HTR1F: variants seen among roughly 807,000 people sequenced by gnomAD.
HTR1F encodes the protein 5-hydroxytryptamine (serotonin) receptor 1F, G protein-coupled.
In HTR1F, 17 loss-of-function variants were observed where a neutral mutation model predicts 24.0. The observed-to-expected ratio is 0.71, with a 90% confidence interval of 0.48 to 1.06. HTR1F has a LOEUF of 1.06. Ranked by LOEUF, HTR1F falls within the 50% of genes least tolerant of loss-of-function variation. HTR1F has a pLI of 0.00. For synonymous variants in HTR1F, 186 were observed against 156.8 expected (o/e 1.19, Z -1.39); for missense variants, 391 against 427.8 (o/e 0.91, Z 0.76).
chr3:87,958,353 T>C (rs997412395), intron 2 of HTR1F, among the ~76,000 whole-genome samples: 1 of 151,590 alleles, frequency 6.6e-6, no homozygotes, highest in African/African-American at 2.4e-5. Context: ...GTTCCATCAT[T>C]AGCTTAGAGA....
intron 2 of HTR1F, among the ~76,000 whole-genome samples, chr3:87,881,573 G>A (rs1426926461): frequency 1.3e-5 from 2 of 152,172 alleles, no homozygotes; most frequent in Non-Finnish European, 2.9e-5. Context: ...ACAACTATCT[G>A]ATCTTTGACA....
At chr3:87,922,794 G>A (rs547486388) in intron 2 of HTR1F, among the ~76,000 whole-genome samples, 1 of 151,068 alleles carries the variant, frequency 6.6e-6, no homozygotes, top group African/African-American at 2.4e-5. Context: ...CCCAGTGCAT[G>A]TTCTTGGAGT....
intron 2 of HTR1F, among the ~76,000 whole-genome samples, chr3:87,839,177 T>G (rs76955352): frequency 2.4e-4 from 37 of 152,064 alleles, no homozygotes; most frequent in African/African-American, 8.7e-4. Flanking sequence ...GTTTTTTATG[T>G]TTTTTTCCAA....
chr3:87,804,183 C>T (rs935357695), intron 1 of HTR1F, among the ~76,000 whole-genome samples: 1 of 151,964 alleles, frequency 6.6e-6, no homozygotes, highest in Non-Finnish European at 1.5e-5. Context: ...TATTTCTCAC[C>T]ATCCAGGTGT....
intron 2 of HTR1F, among the ~76,000 whole-genome samples, chr3:87,852,636 C>A (rs1439023155): frequency 6.6e-6 from 1 of 151,520 alleles, no homozygotes; most frequent in African/African-American, 2.4e-5. Flanking sequence ...GCACAACGTG[C>A]AGGTTTGTTA....
intron 2 of HTR1F, among the ~76,000 whole-genome samples, chr3:87,879,405 T>A (rs1458677835): frequency 1.3e-5 from 2 of 152,234 alleles, no homozygotes; most frequent in Non-Finnish European, 2.9e-5. Flanking sequence ...TTACAGGTTA[T>A]TAACCCATTA....
chr3:87,864,699 C>T (rs1705385289), intron 2 of HTR1F, among the ~76,000 whole-genome samples: 1 of 151,968 alleles, frequency 6.6e-6, no homozygotes, highest in Non-Finnish European at 1.5e-5. Flanking sequence ...AGTTCAAGAC[C>T]AGCCTGGCCA....
intron 2 of HTR1F, among the ~76,000 whole-genome samples, chr3:87,861,797 T>G (rs1187862063): frequency 6.6e-6 from 1 of 152,172 alleles, no homozygotes; most frequent in East Asian, 1.9e-4. Flanking sequence ...ATTTTTATTA[T>G]TTTTTAGGTA....
At chr3:87,867,329 A>G (rs1321063711) in intron 2 of HTR1F, among the ~76,000 whole-genome samples, 1 of 151,752 alleles carries the variant, frequency 6.6e-6, no homozygotes, top group Non-Finnish European at 1.5e-5. Context: ...TTGTACATCG[A>G]AATGTTCTAT....
chr3:87,839,589 T>G (rs571923868), intron 2 of HTR1F, among the ~76,000 whole-genome samples: 5 of 152,248 alleles, frequency 3.3e-5, no homozygotes, highest in Admixed American at 3.3e-4. Context: ...TTAAAAAAAG[T>G]CATTGGAATT....
intron 2 of HTR1F, among the ~76,000 whole-genome samples, chr3:87,929,843 C>T (rs1459083890): frequency 6.6e-6 from 1 of 152,024 alleles, no homozygotes; most frequent in Admixed American, 6.6e-5. Flanking sequence ...GAAGAATGTC[C>T]TTGCTAGATT....
chr3:87,834,436 CT>C (rs199592068), intron 2 of HTR1F, among the ~76,000 whole-genome samples: 15,282 of 146,648 alleles, frequency 0.1, 837 homozygotes, highest in East Asian at 0.22. Context: ...AGACTTAGTT[CT>C]TTTTTTTTTT....
At chr3:87,843,013 G>C (rs1463078516) in intron 2 of HTR1F, among the ~76,000 whole-genome samples, 1 of 152,012 alleles carries the variant, frequency 6.6e-6, no homozygotes, top group East Asian at 1.9e-4. Flanking sequence ...GGACAAGCTT[G>C]TGTGACCTCT....
intron 2 of HTR1F, among the ~76,000 whole-genome samples, chr3:87,841,958 G>A (rs1287805554): frequency 6.8e-6 from 1 of 146,288 alleles, no homozygotes; most frequent in East Asian, 2.0e-4. Context: ...CATAAATTTC[G>A]TCTTTTGAAG....
At chr3:87,954,459 T>C (rs1168931519) in intron 2 of HTR1F, among the ~76,000 whole-genome samples, 1 of 151,712 alleles carries the variant, frequency 6.6e-6, no homozygotes, top group African/African-American at 2.4e-5. Flanking sequence ...ATTTGTAACT[T>C]TTAGATTAAA....
At chr3:87,851,813 T>C (rs1166266330) in intron 2 of HTR1F, among the ~76,000 whole-genome samples, 1 of 151,604 alleles carries the variant, frequency 6.6e-6, no homozygotes, top group Non-Finnish European at 1.5e-5. Context: ...TTTTTCTTCC[T>C]GTCAAAAAAC....
chr3:87,945,897 C>T (rs921776671), intron 2 of HTR1F, among the ~76,000 whole-genome samples: 21 of 152,012 alleles, frequency 1.4e-4, no homozygotes, highest in Admixed American at 7.9e-4. Context: ...AAGATGGTGG[C>T]GGGCTGCTTC....
At chr3:87,987,765 T>C (rs1185226352) in intron 2 of HTR1F, among the ~76,000 whole-genome samples, 3 of 130,958 alleles carry the variant, frequency 2.3e-5, no homozygotes, top group Non-Finnish European at 4.9e-5. Flanking sequence ...ATTATATATA[T>C]GTATTTTATA....
intron 1 of HTR1F, among the ~76,000 whole-genome samples, chr3:87,794,982 CTTTTTTTTTTTTT>C (rs57368229): frequency 1.1e-5 from 1 of 90,414 alleles, no homozygotes; most frequent in African/African-American, 4.5e-5. Flanking sequence ...TTATGACTGA[CTTTTTTTTTTTTT>C]TTTTTTTTTT....
Sources: gnomAD v4.1 joint callset for allele counts (sites outside exome capture counted in the v4.1 genomes callset) on GRCh38, gnomAD v4.1.1 for gene constraint, MANE v1.5 for transcripts, NCBI Gene and HGNC (gene_info 2026-07-23, HGNC 2026-07-21) for gene names.